Variants in TMTC2 observed in about 807,000 individuals in gnomAD.
TMTC2 encodes transmembrane O-mannosyltransferase targeting cadherins 2.
Under a neutral mutation model 82.4 loss-of-function variants are expected in TMTC2, and 43 were observed. The observed-to-expected ratio is 0.52, with a 90% CI of 0.41 to 0.67. The LOEUF (loss-of-function observed/expected upper bound fraction) is 0.67, where lower values mean the gene tolerates loss of function less well. Among genes scored for constraint, TMTC2 ranks in the 30% least tolerant of loss-of-function variants. TMTC2 has a pLI of 0.00. For synonymous variants in TMTC2, 408 were observed against 381.9 expected (o/e 1.07, Z -0.80); for missense variants, 919 against 1,012.4 (o/e 0.91, Z 1.25).
At chr12:83,117,423 C>T (rs1310444407) in intron 11 of TMTC2, among the ~76,000 whole-genome samples, 4 of 152,012 alleles carry the variant, frequency 2.6e-5, no homozygotes, top group Non-Finnish European at 5.9e-5. Context: ...TAATTCACTA[C>T]GATCAAGTGG....
intron 8 of TMTC2, among the ~76,000 whole-genome samples, chr12:82,998,641 T>C (rs1879770105): frequency 6.6e-6 from 1 of 152,216 alleles, no homozygotes; most frequent in African/African-American, 2.4e-5. Context: ...TTGTTACTTA[T>C]ATCCTATACA....
chr12:82,834,274 G>A (rs73358265), intron 1 of TMTC2, among the ~76,000 whole-genome samples: 4,034 of 152,300 alleles, frequency 0.026, 189 homozygotes, highest in African/African-American at 0.093. Flanking sequence ...ACACTGGATT[G>A]TGATTATCCG....
At chr12:83,028,042 A>C (rs1053207171) in intron 8 of TMTC2, among the ~76,000 whole-genome samples, 1 of 152,024 alleles carries the variant, frequency 6.6e-6, no homozygotes, top group Non-Finnish European at 1.5e-5. Flanking sequence ...CTTTTTTCTT[A>C]AAGTATCATT....
chr12:82,741,639 T>A (rs535960824), intron 1 of TMTC2, among the ~76,000 whole-genome samples: 1 of 152,312 alleles, frequency 6.6e-6, no homozygotes, highest in East Asian at 1.9e-4. Context: ...TTTACCAATC[T>A]GACCTTCTTT....
intron 1 of TMTC2, among the ~76,000 whole-genome samples, chr12:82,780,339 AT>A (rs560077784): frequency 2.0e-5 from 3 of 151,968 alleles, no homozygotes; most frequent in East Asian, 1.9e-4. Context: ...AGCATACTTT[AT>A]TTTTTTCCCT....
chr12:82,759,813 GATGGTTTA>G (rs1474899314), intron 1 of TMTC2: 27 of 152,310 alleles, frequency 1.8e-4, no homozygotes, highest in African/African-American at 6.5e-4. Context: ...TGGCAACTTG[GATGGTTTA>G]ATGCCTATGG....
chr12:82,705,035 G>T lies in TMTC2; in HGVS notation c.83+17366G>T, dbSNP rs144225003. ...AAAAAGGAATGAATTAATGGCATTC[G>T]CAGTGACCTGGATGAGATTGGAGAC... On this transcript the variant is annotated intron_variant, in intron 1 of 11. Coordinates refer to ENST00000321196, the MANE Select transcript of TMTC2 (RefSeq NM_152588.3). 4.1e-4 allele frequency among the ~76,000 whole-genome samples: 62 copies of T among 152,286 alleles called. No homozygotes were observed. The East Asian group carries it at 9.8e-3, about 24-fold the overall frequency.
At chr12:82,818,313 C>T (rs1474457551) in intron 1 of TMTC2, among the ~76,000 whole-genome samples, 1 of 151,932 alleles carries the variant, frequency 6.6e-6, no homozygotes, top group Non-Finnish European at 1.5e-5. Flanking sequence ...GTGTTATTTT[C>T]TTCTCAGTAT....
At chr12:82,901,242 T>G (rs1177210272) in intron 3 of TMTC2, among the ~76,000 whole-genome samples, 2 of 137,936 alleles carry the variant, frequency 1.4e-5, no homozygotes, top group South Asian at 4.5e-4. Flanking sequence ...AATATATATA[T>G]AGGAATATAT....
At chr12:83,021,435 G>C (rs1199392299) in intron 8 of TMTC2, among the ~76,000 whole-genome samples, 1 of 152,062 alleles carries the variant, frequency 6.6e-6, no homozygotes, top group Non-Finnish European at 1.5e-5. Context: ...GTGAAAATTT[G>C]TGAAGTCAAA....
rs186437987 is a variant in TMTC2, at chr12:82,917,742, C to T, written c.1484-12689C>T. Among the ~76,000 whole-genome samples the T allele has an allele frequency of 3.6e-4, 54 of 152,112 alleles. 1 individual carries two copies. Among genetic ancestry groups the T allele is most frequent in the African/African-American group, 1.1e-3 (44 of 41,520 alleles). ...TCAGCCTCCCCAGTAGCTGGGACTA[C>T]AGGCCCCTGCCACCAGGCCCGGCTA... On this transcript the variant is annotated intron_variant, in intron 3 of 11. Coordinates refer to ENST00000321196, the MANE Select transcript of TMTC2 (RefSeq NM_152588.3).
chr12:83,092,368 T>A (rs921531587), intron 11 of TMTC2, among the ~76,000 whole-genome samples: 1 of 152,198 alleles, frequency 6.6e-6, no homozygotes, highest in Non-Finnish European at 1.5e-5. Context: ...CAAGCATGTC[T>A]GTCCCAGTGT....
intron 7 of TMTC2, among the ~76,000 whole-genome samples, chr12:82,973,194 T>C (rs1321098416): frequency 2.0e-5 from 3 of 152,120 alleles, no homozygotes; most frequent in Non-Finnish European, 4.4e-5. Context: ...ATTGCTTCCA[T>C]TGGCACTCTT....
chr12:83,095,242 GT>G (rs535511905), intron 11 of TMTC2, among the ~76,000 whole-genome samples: 1 of 115,606 alleles, frequency 8.7e-6, no homozygotes. Flanking sequence ...TTTTTTTTTT[GT>G]TTTTTTTGTT....
At chr12:83,045,131 A>ATCTTTTG (rs1882038446) in intron 9 of TMTC2, among the ~76,000 whole-genome samples, 1 of 152,158 alleles carries the variant, frequency 6.6e-6, no homozygotes, top group Non-Finnish European at 1.5e-5. Flanking sequence ...GTTCAATACA[A>ATCTTTTG]AACAATTGCT....
chr12:83,012,347 C>T (rs1880499459), intron 8 of TMTC2, among the ~76,000 whole-genome samples: 1 of 151,524 alleles, frequency 6.6e-6, no homozygotes, highest in African/African-American at 2.4e-5. Flanking sequence ...ACTAATTAGA[C>T]AAAAAAAGAA....
At chr12:82,898,513 G>A (rs1873793267) in intron 3 of TMTC2, among the ~76,000 whole-genome samples, 1 of 152,170 alleles carries the variant, frequency 6.6e-6, no homozygotes, top group Non-Finnish European at 1.5e-5. Flanking sequence ...TAAGATAGAA[G>A]CTTTATTCTT....
At chr12:82,697,160 A>G (rs1351495320) in intron 1 of TMTC2, among the ~76,000 whole-genome samples, 1 of 151,676 alleles carries the variant, frequency 6.6e-6, no homozygotes, top group Non-Finnish European at 1.5e-5. Flanking sequence ...CCTGGTCAAC[A>G]TGGTGAAACC....
At chr12:82,765,257 A>G (rs976018630) in intron 1 of TMTC2, among the ~76,000 whole-genome samples, 3 of 152,166 alleles carry the variant, frequency 2.0e-5, no homozygotes, top group Non-Finnish European at 4.4e-5. Flanking sequence ...GCACCTTTCT[A>G]TATGATATTA....
Sources: gnomAD v4.1 joint callset for allele counts (sites outside exome capture counted in the v4.1 genomes callset) on GRCh38, gnomAD v4.1.1 for gene constraint, MANE v1.5 for transcripts, NCBI Gene and HGNC (gene_info 2026-07-23, HGNC 2026-07-21) for gene names.